The following SIK2 variants were observed in gnomAD, a reference collection of about 807,000 sequenced individuals.
SIK2 encodes the protein salt inducible kinase 2.
SIK2 carries 29 observed loss-of-function variants against 103.2 expected under a neutral mutation model. The ratio of observed to expected loss-of-function variants is 0.28; its 90% confidence interval spans 0.21 to 0.38. The LOEUF is 0.38. SIK2 is among the 10% of genes least tolerant of loss of function. SIK2 has a pLI of 1.00. For missense variants in SIK2, 879 were observed against 1,171.0 expected, an observed-to-expected ratio of 0.75 and a Z score of 3.64; for synonymous variants, 412 against 446.1, an observed-to-expected ratio of 0.92 and a Z score of 0.96.
intron 3 of SIK2, among the ~76,000 whole-genome samples, chr11:111,661,042 G>A (rs1942461288): frequency 6.6e-6 from 1 of 151,896 alleles, no homozygotes; most frequent in African/African-American, 2.4e-5. Context: ...CTAGTAAGGA[G>A]TGTCACACTT....
chr11:111,700,071 A>G (rs1297304978), intron 4 of SIK2, among the ~76,000 whole-genome samples: 3 of 152,238 alleles, frequency 2.0e-5, no homozygotes, highest in Non-Finnish European at 2.9e-5. Context: ...ATATGAGACT[A>G]TAAAGGCTTA....
Position 111,722,642 on chromosome 11 carries a change from ATGT to A in SIK2, c.2056-18_2056-16del, listed in dbSNP as rs1323329831. The A allele has an allele frequency of 1.2e-6, 2 of 1,609,532 alleles. No individual in the cohort carries two copies. Among genetic ancestry groups the A allele is most frequent in the South Asian group, 1.1e-5 (1 of 90,482 alleles). On this transcript the variant is annotated intron_variant, in intron 13 of 14. Transcript: ENST00000304987. This position sits in a 1 kb window ranked among gnomAD's most constrained non-coding sequence, Gnocchi z 4.4. ...TAGGTGACAGCACATTGTCACGCTC[ATGT>A]TGTTTTTCTGCTCTTCCAGAAGCCC... is the stretch of plus-strand genomic sequence containing the variant.
Position 111,602,797 on chromosome 11 carries a change from G to T in SIK2, c.135+99G>T. On this transcript the variant is annotated intron_variant, in intron 1 of 14. Transcript: ENST00000304987. The surrounding 1 kb of genome is among the most constrained non-coding windows in gnomAD (Gnocchi z 4.5). The stretch of plus-strand genomic sequence containing the variant: ...CGCAGTGGTGGGACCGGGGAGACCC[G>T]AGAGGCCGCCTCACTGGCGGAGGCG... The T allele has an allele frequency of 7.2e-7, 1 of 1,382,580 alleles. No homozygotes were observed. Among genetic ancestry groups the T allele is most frequent in the Non-Finnish European group, 9.3e-7 (1 of 1,070,684 alleles). The allele number at this position is 1,382,580 out of a possible 1,614,324, so 85.6% of individuals were successfully genotyped here.
At chr11:111,664,072 G>A (rs1030517863) in intron 3 of SIK2, among the ~76,000 whole-genome samples, 6 of 152,178 alleles carry the variant, frequency 3.9e-5, no homozygotes, top group South Asian at 4.1e-4. Flanking sequence ...TAATGCCTCT[G>A]CCTTCCACCT....
chr11:111,661,016 A>G lies in SIK2; in HGVS notation c.317-26985A>G, dbSNP rs557500479. Among the ~76,000 whole-genome samples, 9 of 152,090 alleles carry G rather than the reference A, an allele frequency of 5.9e-5. No homozygotes were observed. In the East Asian group the frequency reaches 1.7e-3, roughly 29 times the overall value. On this transcript the variant is annotated intron_variant, in intron 3 of 14. Coordinates refer to ENST00000304987, the MANE Select transcript of SIK2 (RefSeq NM_015191.3). Reference sequence around the variant, plus strand: ...ACCCAGCTGAGCTGTGTTATCTAATATGACTTTCAGGATTCCTAGTAAGGA... The same window carrying G: ...ACCCAGCTGAGCTGTGTTATCTAATGTGACTTTCAGGATTCCTAGTAAGGA...
intron 8 of SIK2, among the ~76,000 whole-genome samples, chr11:111,710,719 G>A (rs1565380589): frequency 6.6e-6 from 1 of 152,186 alleles, no homozygotes; most frequent in East Asian, 1.9e-4. Context: ...TTGGCATTGT[G>A]CTCTCACAGT....
chr11:111,661,706 G>T (rs574729756), intron 3 of SIK2, among the ~76,000 whole-genome samples: 1 of 152,228 alleles, frequency 6.6e-6, no homozygotes, highest in Non-Finnish European at 1.5e-5. Context: ...TGGCCAGGGA[G>T]GCCTTACAAT....
At chr11:111,631,613 G>A (rs1170469520) in intron 3 of SIK2, among the ~76,000 whole-genome samples, 2 of 152,068 alleles carry the variant, frequency 1.3e-5, no homozygotes, top group African/African-American at 2.4e-5. Context: ...GACTGAAGAG[G>A]TTCAAGTACT....
Position 111,722,557 on chromosome 11 carries a change from A to T in SIK2, c.2056-108A>T. 1 of 1,053,052 alleles carries T rather than the reference A, an allele frequency of 9.5e-7. No homozygotes were observed. Among genetic ancestry groups the T allele is most frequent in the Admixed American group, 2.0e-5 (1 of 48,980 alleles). 65.2% of individuals were successfully genotyped at this position (1,053,052 alleles called of 1,614,324 possible). A position where few individuals can be genotyped will look rare whatever the true frequency, so the allele number is the denominator to read the frequency against. On this transcript the variant is annotated intron_variant, in intron 13 of 14. Coordinates refer to ENST00000304987, the MANE Select transcript of SIK2 (RefSeq NM_015191.3). This position sits in a 1 kb window ranked among gnomAD's most constrained non-coding sequence, Gnocchi z 4.4. ...ATGTCAGTCCCTTCACCCCGTGTGG[A>T]TTCTGTAGAATGCAGTTAGATTCAT...
rs1204801186 is a variant in SIK2 at position 111,720,743 on chromosome 11, A to C, written c.1761A>C (p.Ser587=). 1.1e-5 allele frequency: 18 copies of C among 1,598,342 alleles called. No homozygotes were observed. The highest frequency in any genetic ancestry group is 1.4e-5 in the Non-Finnish European group (17 of 1,172,624). Residue 587 remains serine, a synonymous_variant, in exon 11 of 15, where the codon TCA becomes TCC. Coordinates refer to ENST00000304987, the MANE Select transcript of SIK2 (RefSeq NM_015191.3). Reference sequence around the variant, plus strand: ...GCTTCAGAGAGGGCCGCAGAGCATCAGATACCTCCCTCACCCAGGGTGAGC... The same window carrying C: ...GCTTCAGAGAGGGCCGCAGAGCATCCGATACCTCCCTCACCCAGGGTGAGC... ...PVSFREGRRA[S]DTSLTQGIVA...
At chr11:111,618,200 G>A (rs1941833994) in intron 2 of SIK2, among the ~76,000 whole-genome samples, 1 of 152,144 alleles carries the variant, frequency 6.6e-6, no homozygotes, top group Admixed American at 6.5e-5. Context: ...ACTCCTATGA[G>A]AATTTAATGC....
At chr11:111,637,649 ACAGG>A (rs1942127985) in intron 3 of SIK2, among the ~76,000 whole-genome samples, 1 of 151,820 alleles carries the variant, frequency 6.6e-6, no homozygotes, top group African/African-American at 2.4e-5. Flanking sequence ...TTCAGTAAAG[ACAGG>A]GCTTCACCAT....
chr11:111,720,532 A>G lies in SIK2; in HGVS notation c.1550A>G (p.Tyr517Cys), dbSNP rs1943769376. 4 of 1,613,702 alleles carry G rather than the reference A, an allele frequency of 2.5e-6. No homozygotes were observed. Among genetic ancestry groups the G allele is most frequent in the Middle Eastern group, 1.6e-4 (1 of 6,062 alleles). The change falls in exon 11 of 15, where the codon TAT (tyrosine) becomes TGT (cysteine). Residue 517 changes from tyrosine (Y) to cysteine (C), a missense_variant. This residue lies in a region of SIK2 where 222 missense variants were observed against 258.0 expected (regional missense o/e 0.86). Coordinates refer to ENST00000304987, the MANE Select transcript of SIK2 (RefSeq NM_015191.3). ...SPSLDSVDSE[Y>C]DMGSVQRDLN... ...TCCCTTGACAGTGTGGACTCTGAGTATGATATGGGGTCTGTTCAGAGGGAC... is the reference window on the plus strand; with the variant it reads ...TCCCTTGACAGTGTGGACTCTGAGTGTGATATGGGGTCTGTTCAGAGGGAC...
rs1470031270 is a variant in SIK2 at position 111,722,522 on chromosome 11, CAG to C, written c.2056-142_2056-141del. The C allele has an allele frequency of 4.6e-5, 35 of 763,960 alleles. No homozygotes were observed. In the East Asian group the frequency reaches 8.9e-4, roughly 19 times the overall value. The allele number at this position is 763,960 out of a possible 1,614,324, so 47.3% of individuals were successfully genotyped here. A position where few individuals can be genotyped will look rare whatever the true frequency, so the allele number is the denominator to read the frequency against. On this transcript the variant is annotated intron_variant, in intron 13 of 14. Coordinates refer to ENST00000304987, the MANE Select transcript of SIK2 (RefSeq NM_015191.3). This position sits in a 1 kb window ranked among gnomAD's most constrained non-coding sequence, Gnocchi z 4.4. ...CGGGCCCGATGCTCTTTCAGGGTCT[CAG>C]GGAGTAAATGTCAGTCCCTTCACCC...
At chr11:111,636,800 G>A (rs1565322713) in intron 3 of SIK2, among the ~76,000 whole-genome samples, 1 of 152,178 alleles carries the variant, frequency 6.6e-6, no homozygotes, top group Non-Finnish European at 1.5e-5. Flanking sequence ...AGAATAATGA[G>A]GATATTGTTC....
intron 3 of SIK2, among the ~76,000 whole-genome samples, chr11:111,642,134 G>A (rs1040149766): frequency 1.3e-5 from 2 of 152,046 alleles, no homozygotes; most frequent in Non-Finnish European, 2.9e-5. Context: ...CACCAAATGC[G>A]GAGGGTGGAG....
chr11:111,688,298 C>A lies in SIK2; in HGVS notation c.478+136C>A, dbSNP rs1329236556. On this transcript the variant is annotated intron_variant, in intron 4 of 14. Transcript: ENST00000304987. This position sits in a 1 kb window ranked among gnomAD's most constrained non-coding sequence, Gnocchi z 4.2. ...AGGCTATCTCAAAGTCCATTTTATT[C>A]ATTTCCTTAGTTCTGTGTGTAATTA... The A allele has an allele frequency of 6.0e-6, 5 of 828,592 alleles. No individual in the cohort carries two copies. In the African/African-American group the frequency reaches 6.8e-5, roughly 11 times the overall value. The allele number at this position is 828,592 out of a possible 1,614,324, so 51.3% of individuals were successfully genotyped here. A position where few individuals can be genotyped will look rare whatever the true frequency, so the allele number is the denominator to read the frequency against.
At chr11:111,689,677 G>A (rs965737778) in intron 4 of SIK2, among the ~76,000 whole-genome samples, 1 of 152,190 alleles carries the variant, frequency 6.6e-6, no homozygotes. Context: ...ATTGAACTTA[G>A]TAAGTTTAGG....
At chr11:111,605,527 A>T (rs1309218144) in intron 1 of SIK2, among the ~76,000 whole-genome samples, 1 of 152,220 alleles carries the variant, frequency 6.6e-6, no homozygotes, top group Non-Finnish European at 1.5e-5. Context: ...AATTATACTT[A>T]TTGACGATAA....
Sources: allele counts gnomAD v4.1 joint callset (sites outside exome capture counted in the v4.1 genomes callset), GRCh38; gene constraint gnomAD v4.1.1; regional missense constraint gnomAD v4.1.1; non-coding constraint Gnocchi (gnomAD v3.1); transcripts MANE v1.5; gene names NCBI Gene and HGNC (gene_info 2026-07-23, HGNC 2026-07-21).